Variants in RBM33 observed in about 807,000 individuals in gnomAD.
The protein encoded by RBM33 is RNA-binding protein 33.
Under a neutral mutation model 132.6 loss-of-function variants are expected in RBM33, and 28 were observed. The ratio of observed to expected loss-of-function variants is 0.21; its 90% confidence interval spans 0.16 to 0.29. The LOEUF is 0.29. RBM33 is among the 10% of genes least tolerant of loss of function. RBM33 has a pLI of 1.00. For missense variants in RBM33, 1,291 were observed against 1,518.5 expected, an observed-to-expected ratio of 0.85 and a Z score of 2.49; for synonymous variants, 634 against 593.0, an observed-to-expected ratio of 1.07 and a Z score of -1.01.
chr7:155,682,526 T>G (rs1446336238), intron 5 of RBM33, among the ~76,000 whole-genome samples: 1 of 152,220 alleles, frequency 6.6e-6, no homozygotes, highest in East Asian at 1.9e-4. Context: ...AGTATTTTAT[T>G]ATTTCTGTTA....
intron 5 of RBM33, among the ~76,000 whole-genome samples, chr7:155,682,666 A>G (rs1799368486): frequency 6.6e-6 from 1 of 152,194 alleles, no homozygotes; most frequent in Admixed American, 6.5e-5. Flanking sequence ...TGTCATGAAC[A>G]TTGGCCCTGC....
In RBM33 at chr7:155,738,095, C is replaced by CTGGAACAGCGAA. The variant is rs770838458; in HGVS notation, c.1430_1441dup (p.Arg480_Ser481insMetGluGlnArg). 6.2e-7 allele frequency: 1 copy of CTGGAACAGCGAA among 1,613,484 alleles called. No homozygotes were observed. Among genetic ancestry groups the CTGGAACAGCGAA allele is most frequent in the African/African-American group, 1.3e-5 (1 of 74,988 alleles). ...ACCAAGATTCCCGAGCCATCTTTTTCTGGAACAGCGAAGTCCCCCTCCACC... is the reference window on the plus strand; with the variant it reads ...ACCAAGATTCCCGAGCCATCTTTTTCTGGAACAGCGAATGGAACAGCGAAGTCCCCCTCCACC... On this transcript the variant is annotated inframe_insertion, in exon 11 of 18. Coordinates refer to ENST00000401878, the MANE Select transcript of RBM33 (RefSeq NM_053043.3).
intron 3 of RBM33, among the ~76,000 whole-genome samples, chr7:155,674,922 A>G (rs1457299301): frequency 6.6e-6 from 1 of 152,256 alleles, no homozygotes; most frequent in Non-Finnish European, 1.5e-5. Context: ...TTGAAAATAT[A>G]TAAAAAAAGA....
rs564232190 is a variant in RBM33, at chr7:155,645,011, G to A, written c.43+92G>A. The stretch of plus-strand genomic sequence containing the variant: ...GGCCTCCCCGCTTAGGAGAGGACGA[G>A]GCTCTCCCCGGCTCCGACTCTCTTT... On this transcript the variant is annotated intron_variant, in intron 1 of 17. Coordinates refer to ENST00000401878, the MANE Select transcript of RBM33 (RefSeq NM_053043.3). The A allele has an allele frequency of 7.7e-5, 69 of 897,082 alleles. No homozygotes were observed. The African/African-American group carries it at 1.1e-3, about 14-fold the overall frequency. The allele number at this position is 897,082 out of a possible 1,614,324, so 55.6% of individuals were successfully genotyped here. A position where few individuals can be genotyped will look rare whatever the true frequency, so the allele number is the denominator to read the frequency against.
chr7:155,666,760 A>C (rs1036095991), intron 2 of RBM33, among the ~76,000 whole-genome samples: 1 of 152,140 alleles, frequency 6.6e-6, no homozygotes, highest in African/African-American at 2.4e-5. Context: ...GACTGTTTAT[A>C]TTATACTTAC....
rs1436846821 is a variant in RBM33, at chr7:155,724,987, GGTTT to G, written c.1260+6547_1260+6550del. Among the ~76,000 whole-genome samples, 27 of 107,330 alleles carry G rather than the reference GGTTT, an allele frequency of 2.5e-4. No individual in the cohort carries two copies. In the South Asian group the frequency reaches 2.6e-3, roughly 10 times the overall value. The allele number at this position is 107,330 out of a possible 152,430, so 70.4% of individuals were successfully genotyped here. On this transcript the variant is annotated intron_variant, in intron 9 of 17. Transcript: ENST00000401878. ...GAGTTGCTGTAAACATTTGTGTACA[GGTTT>G]GTGTGTGTGTGTGTGTGTGTGTGTG... is the stretch of plus-strand genomic sequence containing the variant.
intron 13 of RBM33, among the ~76,000 whole-genome samples, chr7:155,744,380 A>G (rs1230076067): frequency 6.6e-6 from 1 of 152,236 alleles, no homozygotes; most frequent in African/African-American, 2.4e-5. Flanking sequence ...CGTTCCTTAT[A>G]TACCATTAAT....
At chr7:155,709,698 G>A (rs559683545) in intron 7 of RBM33, among the ~76,000 whole-genome samples, 2 of 152,298 alleles carry the variant, frequency 1.3e-5, no homozygotes, top group African/African-American at 2.4e-5. Context: ...GTCTGTTAGT[G>A]TGCTGTCTGT....
intron 1 of RBM33, among the ~76,000 whole-genome samples, chr7:155,647,188 A>T (rs903569163): frequency 6.6e-6 from 1 of 152,246 alleles, no homozygotes; most frequent in Non-Finnish European, 1.5e-5. Flanking sequence ...AAAAAATTTC[A>T]TGAACAATAC....
rs1245952900 is a variant in RBM33, at chr7:155,775,070, T to G, written c.*29T>G. On this transcript the variant is annotated 3_prime_UTR_variant, in exon 18 of 18. Transcript: ENST00000401878. ...CTAACAAGAGAGCCTGACCTTAGGCTGTACACACACTGTGGAATTTCTTCA... is the reference window on the plus strand; with the variant it reads ...CTAACAAGAGAGCCTGACCTTAGGCGGTACACACACTGTGGAATTTCTTCA... 1.3e-6 allele frequency: 2 copies of G among 1,597,398 alleles called. No individual in the cohort carries two copies. The highest frequency in any genetic ancestry group is 1.1e-5 in the South Asian group (1 of 90,738).
At position 155,742,111 on chromosome 7, in the gene RBM33, G is replaced by T; in HGVS notation, c.2337+5G>T. 6.2e-7 allele frequency: 1 copy of T among 1,602,052 alleles called. No individual in the cohort carries two copies. The highest frequency in any genetic ancestry group is 1.1e-5 in the South Asian group (1 of 90,528). ...GAGGCAAAAACAGAAACAGAGGTAGGACACTGCTCTTATTAACAAATGTTG... is the reference window on the plus strand; with the variant it reads ...GAGGCAAAAACAGAAACAGAGGTAGTACACTGCTCTTATTAACAAATGTTG... On this transcript the variant is annotated splice_donor_5th_base_variant and intron_variant, in intron 13 of 17. Transcript: ENST00000401878.
At chr7:155,656,968 T>C (rs1468652275) in intron 1 of RBM33, among the ~76,000 whole-genome samples, 2 of 152,064 alleles carry the variant, frequency 1.3e-5, no homozygotes, top group Non-Finnish European at 1.5e-5. Flanking sequence ...TGAAGGTTTT[T>C]TTTTTTTTGT....
intron 8 of RBM33, among the ~76,000 whole-genome samples, chr7:155,712,846 A>G (rs534362479): frequency 3.3e-5 from 5 of 152,304 alleles, no homozygotes; most frequent in Middle Eastern, 3.4e-3. Context: ...AGGGAGTGAA[A>G]TGGGCAGGGA....
chr7:155,769,570 C>T (rs1216042681), intron 16 of RBM33, among the ~76,000 whole-genome samples: 1 of 152,030 alleles, frequency 6.6e-6, no homozygotes, highest in Non-Finnish European at 1.5e-5. Context: ...CAGAGCGGAT[C>T]TCAGCCCACC....
intron 2 of RBM33, among the ~76,000 whole-genome samples, chr7:155,665,973 G>A (rs993001737): frequency 6.6e-6 from 1 of 152,132 alleles, no homozygotes; most frequent in Non-Finnish European, 1.5e-5. Flanking sequence ...ATTTGAAAAC[G>A]GCAGTGTCAC....
intron 1 of RBM33, 71 bp from the exon 2 acceptor site, chr7:155,665,104 T>C: frequency 7.6e-7 from 1 of 1,317,696 alleles, no homozygotes; most frequent in Admixed American, 1.7e-5. Context: ...AAAGTTGTTT[T>C]AGTGTTTGAA....
intron 1 of RBM33, among the ~76,000 whole-genome samples, chr7:155,646,643 GC>G (rs1383594681): frequency 2.6e-5 from 4 of 152,208 alleles, no homozygotes; most frequent in Non-Finnish European, 5.9e-5. Flanking sequence ...TTTAAGGGAG[GC>G]TTTCCTTGAG....
intron 14 of RBM33, among the ~76,000 whole-genome samples, chr7:155,748,378 TTGCATAG>T (rs1801587284): frequency 2.0e-5 from 3 of 152,244 alleles, no homozygotes; most frequent in Admixed American, 2.0e-4. Flanking sequence ...CAAACTATCT[TTGCATAG>T]TGCCATTCAA....
chr7:155,660,365 C>T (rs4716891), intron 1 of RBM33, among the ~76,000 whole-genome samples: 9,837 of 152,252 alleles, frequency 0.065, 479 homozygotes, highest in African/African-American at 0.14. Flanking sequence ...TCACTATGCT[C>T]GGCCTTGTTT....
Sources: gnomAD v4.1 joint callset for allele counts (sites outside exome capture counted in the v4.1 genomes callset) on GRCh38, gnomAD v4.1.1 for gene constraint, MANE v1.5 for transcripts, NCBI Gene and HGNC (gene_info 2026-07-23, HGNC 2026-07-21) for gene names.